GUCY1A2: variants seen among roughly 807,000 people sequenced by gnomAD.
The protein encoded by GUCY1A2 is guanylate cyclase 1 soluble subunit alpha 2.
GUCY1A2 carries 27 observed loss-of-function variants against 63.5 expected under a neutral mutation model. The observed-to-expected ratio is 0.43, with a 90% CI of 0.31 to 0.59. The LOEUF (loss-of-function observed/expected upper bound fraction) is 0.59. Among genes scored for constraint, GUCY1A2 ranks in the 20% least tolerant of loss-of-function variants. The pLI is 0.11. For synonymous variants in GUCY1A2, 364 were observed against 343.5 expected, an observed-to-expected ratio of 1.06 and a Z score of -0.66; for missense variants, 768 against 913.3, an observed-to-expected ratio of 0.84 and a Z score of 2.05.
At chr11:106,754,575 A>T (rs1385135213) in intron 6 of GUCY1A2, among the ~76,000 whole-genome samples, 1 of 152,172 alleles carries the variant, frequency 6.6e-6, no homozygotes, top group African/African-American at 2.4e-5. Flanking sequence ...AGGGCTGTTG[A>T]ATTTCGTCGA....
chr11:106,934,877 T>C (rs1860654347), intron 4 of GUCY1A2, among the ~76,000 whole-genome samples: 1 of 152,204 alleles, frequency 6.6e-6, no homozygotes. Context: ...ATTTATTGTT[T>C]CTCAAAATCC....
In GUCY1A2 at chr11:106,776,520, A is replaced by G. The variant is rs1463721376; in HGVS notation, c.1755T>C (p.His585=). The change falls in exon 6 of 8, where the codon CAT becomes CAC. Residue 585 remains histidine, a synonymous_variant. Coordinates refer to ENST00000526355, the MANE Select transcript of GUCY1A2 (RefSeq NM_000855.3). The part of the protein sequence containing the change: ...AAGLHRKSLC[H]AKPIALMALK... ...AGGCCATCAGAGCAATGGGTTTAGC[A>G]TGGCAGAGGCTTTTTCTGTGGAGCC... 3 of 1,613,556 alleles carry G rather than the reference A, an allele frequency of 1.9e-6. No homozygotes were observed. Among genetic ancestry groups the G allele is most frequent in the East Asian group, 2.2e-5 (1 of 44,864 alleles).
At chr11:106,901,318 C>A (rs1379811486) in intron 4 of GUCY1A2, among the ~76,000 whole-genome samples, 1 of 152,286 alleles carries the variant, frequency 6.6e-6, no homozygotes, top group East Asian at 1.9e-4. Context: ...GCTATTTTCA[C>A]CAGCATCTGC....
At chr11:106,972,439 A>G (rs764960865) in intron 3 of GUCY1A2, among the ~76,000 whole-genome samples, 6 of 152,066 alleles carry the variant, frequency 3.9e-5, no homozygotes, top group Non-Finnish European at 8.8e-5. Context: ...AACAAAAGAC[A>G]ACCTGAAGAA....
intron 4 of GUCY1A2, among the ~76,000 whole-genome samples, chr11:106,854,670 G>C (rs953984147): frequency 2.0e-5 from 3 of 152,206 alleles, no homozygotes; most frequent in African/African-American, 7.2e-5. Flanking sequence ...GCATGTGGTA[G>C]TGGTGGCAGC....
At chr11:106,837,517 G>A (rs1475800862) in intron 4 of GUCY1A2, among the ~76,000 whole-genome samples, 2 of 151,852 alleles carry the variant, frequency 1.3e-5, no homozygotes. Flanking sequence ...CCCAGTAATC[G>A]GATTGCTGGG....
chr11:106,826,280 C>A (rs1858969837), intron 4 of GUCY1A2: 2 of 803,850 alleles, frequency 2.5e-6, no homozygotes, highest in African/African-American at 1.7e-5. Flanking sequence ...ATTATCACTT[C>A]TGTAATTTTC....
Position 106,943,664 on chromosome 11 carries a change from T to C in GUCY1A2, c.488-3486A>G, listed in dbSNP as rs1860782764. ...CACCTGGAGAATAAGCATTGTTTCA[T>C]AGAAATTAAGCATTCATCTAAGTAT... is the stretch of plus-strand genomic sequence containing the variant. On this transcript the variant is annotated intron_variant, in intron 3 of 7. Coordinates refer to ENST00000526355, the MANE Select transcript of GUCY1A2 (RefSeq NM_000855.3). 2.0e-5 allele frequency among the ~76,000 whole-genome samples: 3 copies of C among 152,338 alleles called. No homozygotes were observed. In the South Asian group the frequency reaches 6.2e-4, roughly 32 times the overall value.
intron 4 of GUCY1A2, among the ~76,000 whole-genome samples, chr11:106,843,756 T>G (rs1565307601): frequency 6.6e-6 from 1 of 151,898 alleles, no homozygotes; most frequent in Non-Finnish European, 1.5e-5. Context: ...CAACTAGAAT[T>G]TAGTTCTCCT....
chr11:106,735,506 G>A (rs1001152323), intron 6 of GUCY1A2, among the ~76,000 whole-genome samples: 1 of 152,102 alleles, frequency 6.6e-6, no homozygotes, highest in Non-Finnish European at 1.5e-5. Flanking sequence ...TATTCCATGT[G>A]CATATGTACC....
At position 106,676,660 on chromosome 11, in the gene GUCY1A2, TAA is replaced by T. The variant is rs1565253695; in HGVS notation, c.*10887_*10888del. The T allele has an allele frequency of 1.0e-5, 2 of 191,400 alleles. No homozygotes were observed. The highest frequency in any genetic ancestry group is 4.6e-5 in the African/African-American group (2 of 43,016). The allele number at this position is 191,400 out of a possible 1,614,324, so 11.9% of individuals were successfully genotyped here. A position where few individuals can be genotyped will look rare whatever the true frequency, so the allele number is the denominator to read the frequency against. Reference sequence around the variant, plus strand: ...AGACAGTGCATCAGTTATCTCTAGATAAAGAGCCAGTAAAATCAAGTTGCATT... The same window carrying T: ...AGACAGTGCATCAGTTATCTCTAGATAGAGCCAGTAAAATCAAGTTGCATT... On this transcript the variant is annotated 3_prime_UTR_variant, in exon 8 of 8. Transcript: ENST00000526355.
At chr11:106,712,768 A>G (rs1863142570) in intron 6 of GUCY1A2, among the ~76,000 whole-genome samples, 1 of 152,164 alleles carries the variant, frequency 6.6e-6, no homozygotes, top group African/African-American at 2.4e-5. Flanking sequence ...TACTCTCTGC[A>G]GTGTCCTTGA....
chr11:107,005,524 T>A (rs906518302), intron 1 of GUCY1A2, among the ~76,000 whole-genome samples: 1 of 152,224 alleles, frequency 6.6e-6, no homozygotes, highest in Non-Finnish European at 1.5e-5. Context: ...TCCTCCCATC[T>A]CAACCTCCCA....
At chr11:106,971,863 A>T (rs1481678891) in intron 3 of GUCY1A2, among the ~76,000 whole-genome samples, 1 of 152,146 alleles carries the variant, frequency 6.6e-6, no homozygotes, top group African/African-American at 2.4e-5. Context: ...GGCTCATTCT[A>T]GACAACTGGG....
chr11:106,827,877 C>A, intron 4 of GUCY1A2: 1 of 1,585,874 alleles, frequency 6.3e-7, no homozygotes, highest in Non-Finnish European at 8.7e-7. Flanking sequence ...CATGGGAGGG[C>A]GCGCTGCCTT....
intron 2 of GUCY1A2, among the ~76,000 whole-genome samples, chr11:106,980,185 A>C (rs925208898): frequency 3.9e-5 from 6 of 152,194 alleles, no homozygotes; most frequent in African/African-American, 1.4e-4. Context: ...TTGGCAGGGC[A>C]AATATGTGAA....
chr11:106,682,496 A>G lies in GUCY1A2; in HGVS notation c.*5053T>C. The G allele has an allele frequency of 4.7e-6, 1 of 210,626 alleles. No individual in the cohort carries two copies. The highest frequency in any genetic ancestry group is 9.7e-6 in the Non-Finnish European group (1 of 103,594). 13.0% of individuals were successfully genotyped at this position (210,626 alleles called of 1,614,324 possible). A position where few individuals can be genotyped will look rare whatever the true frequency, so the allele number is the denominator to read the frequency against. ...ACGGAATTCTTATGAAGCCAGCCAG[A>G]TACTTCCAAGCAGATCAGCTGAACC... On this transcript the variant is annotated 3_prime_UTR_variant, in exon 8 of 8. Transcript: ENST00000526355.
intron 1 of GUCY1A2, among the ~76,000 whole-genome samples, chr11:107,011,978 T>A (rs184885759): frequency 2.2e-3 from 339 of 152,250 alleles, no homozygotes; most frequent in Non-Finnish European, 3.2e-3. Flanking sequence ...CTGAAATAAA[T>A]AACTTCTCTT....
intron 4 of GUCY1A2, among the ~76,000 whole-genome samples, chr11:106,847,446 T>C (rs1315702152): frequency 1.3e-5 from 2 of 151,386 alleles, no homozygotes; most frequent in African/African-American, 4.8e-5. Flanking sequence ...AAATAATCAA[T>C]ACTAATCATT....
Sources: gnomAD v4.1 joint callset for allele counts (sites outside exome capture counted in the v4.1 genomes callset) on GRCh38, gnomAD v4.1.1 for gene constraint, MANE v1.5 for transcripts, NCBI Gene and HGNC (gene_info 2026-07-23, HGNC 2026-07-21) for gene names.